TMOD2: variants seen among roughly 807,000 people sequenced by gnomAD.
The protein encoded by TMOD2 is tropomodulin-2.
In TMOD2, 22 loss-of-function variants were observed where a neutral mutation model predicts 39.9. The observed-to-expected ratio is 0.55, with a 90% CI of 0.39 to 0.79. The LOEUF is 0.79. Ranked by LOEUF, TMOD2 falls within the 30% of genes least tolerant of loss-of-function variation. The pLI is 0.00. For synonymous variants in TMOD2, 123 were observed against 146.1 expected (o/e 0.84, Z 1.14); for missense variants, 386 against 413.3 (o/e 0.93, Z 0.57).
chr15:51,779,743 C>A (rs117313034), intron 5 of TMOD2, among the ~76,000 whole-genome samples: 2,315 of 152,092 alleles, frequency 0.015, 84 homozygotes, highest in East Asian at 0.072. Flanking sequence ...TCCAGTGTCA[C>A]TACCAAGGCT....
intron 5 of TMOD2, among the ~76,000 whole-genome samples, chr15:51,780,378 T>C (rs927642670): frequency 2.0e-5 from 3 of 152,236 alleles, no homozygotes; most frequent in Admixed American, 2.0e-4. Context: ...CATTTCTTTA[T>C]TTTGGAGCTT....
chr15:51,800,303 G>C (rs1483258824), intron 8 of TMOD2, among the ~76,000 whole-genome samples: 1 of 152,200 alleles, frequency 6.6e-6, no homozygotes, highest in East Asian at 1.9e-4. Context: ...GGGAGGCCGA[G>C]GCGAGCAGAT....
intron 8 of TMOD2, among the ~76,000 whole-genome samples, chr15:51,798,654 C>T (rs907830716): frequency 6.6e-6 from 1 of 152,210 alleles, no homozygotes; most frequent in Non-Finnish European, 1.5e-5. Flanking sequence ...TATTCAGTCT[C>T]ATCATTGTTG....
chr15:51,797,040 A>G (rs2056056137), intron 7 of TMOD2, among the ~76,000 whole-genome samples: 1 of 152,176 alleles, frequency 6.6e-6, no homozygotes, highest in East Asian at 1.9e-4. Context: ...TCATCATACC[A>G]CTCAGAACAG....
chr15:51,803,260 A>T (rs1186108372), intron 8 of TMOD2, among the ~76,000 whole-genome samples: 1 of 146,588 alleles, frequency 6.8e-6, no homozygotes, highest in African/African-American at 2.6e-5. Flanking sequence ...GGCTCACTGC[A>T]ACCTCCGCCT....
chr15:51,783,437 A>G, intron 7 of TMOD2: 1 of 152,528 alleles, frequency 6.6e-6, no homozygotes, highest in Non-Finnish European at 1.5e-5. Context: ...AGCCGAGATC[A>G]TGCCACTGCA....
intron 8 of TMOD2, among the ~76,000 whole-genome samples, chr15:51,799,016 G>A (rs2056070909): frequency 6.6e-6 from 1 of 152,158 alleles, no homozygotes. Context: ...ACCTCTTCCT[G>A]CCTGGCGACC....
intron 7 of TMOD2, chr15:51,784,707 T>C (rs541379166): frequency 2.9e-4 from 44 of 152,366 alleles, no homozygotes; most frequent in Non-Finnish European, 6.0e-4. Context: ...ATGAGCAGTT[T>C]AAGGATTCTT....
chr15:51,775,735 G>A (rs984261017), intron 4 of TMOD2, among the ~76,000 whole-genome samples: 8 of 151,776 alleles, frequency 5.3e-5, no homozygotes, highest in Admixed American at 2.0e-4. Flanking sequence ...CCGCCACCAC[G>A]CCCAGCTAAT....
At chr15:51,780,220 A>G (rs1056022837) in intron 5 of TMOD2, among the ~76,000 whole-genome samples, 4 of 152,202 alleles carry the variant, frequency 2.6e-5, no homozygotes, top group African/African-American at 9.7e-5. Context: ...TTAAATTGCA[A>G]TAGATAATGC....
chr15:51,785,711 G>A (rs1008992189), intron 7 of TMOD2, among the ~76,000 whole-genome samples: 3 of 152,028 alleles, frequency 2.0e-5, no homozygotes, highest in African/African-American at 7.2e-5. Flanking sequence ...TGGTTAAGAG[G>A]TACAAAAATA....
rs561375800 is a variant in TMOD2 at position 51,806,500 on chromosome 15, A to G, written c.1000A>G (p.Ile334Val). 13 of 1,614,252 alleles carry G rather than the reference A, an allele frequency of 8.1e-6. No homozygotes were observed. The East Asian group carries it at 2.0e-4, about 25-fold the overall frequency. Residue 334 changes from isoleucine to valine, a missense_variant, in exon 9 of 10, where the codon ATC becomes GTC. Ile to Val is a conservative substitution (Grantham distance 29). Transcript: ENST00000249700. ...QGPRTRVAAA[I>V]TKNNDLVRKK... ...GCCACGAACAAGGGTGGCAGCTGCC[A>G]TCACAAAGAATAATGACCTGGGTAA...
intron 7 of TMOD2, chr15:51,783,532 A>G (rs2055946378): frequency 6.6e-6 from 1 of 152,118 alleles, no homozygotes; most frequent in Non-Finnish European, 1.5e-5. Flanking sequence ...ATGGATTAAT[A>G]TGTGTCTAAA....
intron 1 of TMOD2, among the ~76,000 whole-genome samples, chr15:51,758,685 C>T (rs959480839): frequency 6.6e-6 from 1 of 152,156 alleles, no homozygotes; most frequent in East Asian, 1.9e-4. Flanking sequence ...TGTAATAAAG[C>T]CAAGAACAGA....
chr15:51,765,897 T>C (rs181474891), intron 1 of TMOD2, among the ~76,000 whole-genome samples: 259 of 152,336 alleles, frequency 1.7e-3, no homozygotes, highest in African/African-American at 6.0e-3. Flanking sequence ...TCCCATTTTG[T>C]ATTCTTCACA....
At chr15:51,765,096 G>A (rs569871060) in intron 1 of TMOD2, among the ~76,000 whole-genome samples, 1 of 152,070 alleles carries the variant, frequency 6.6e-6, no homozygotes, top group Admixed American at 6.5e-5. Flanking sequence ...TGCCTCCCGG[G>A]TTCAAGCAAT....
intron 2 of TMOD2, chr15:51,766,790 T>TG: frequency 5.7e-6 from 2 of 349,880 alleles, no homozygotes; most frequent in Non-Finnish European, 5.2e-6. Flanking sequence ...CCAATGTAAA[T>TG]GGGGGGAAAT....
chr15:51,806,639 T>C, intron 9 of TMOD2, 118 bp downstream of exon 9: 1 of 1,157,556 alleles, frequency 8.6e-7, no homozygotes, highest in Non-Finnish European at 1.2e-6. Context: ...CACTCACTTC[T>C]TCATATAAGA....
At chr15:51,765,556 C>G (rs2055810710) in intron 1 of TMOD2, among the ~76,000 whole-genome samples, 1 of 152,104 alleles carries the variant, frequency 6.6e-6, no homozygotes, top group Non-Finnish European at 1.5e-5. Context: ...ATTACTGTTT[C>G]CTGAATGAGT....
Sources: allele counts gnomAD v4.1 joint callset (sites outside exome capture counted in the v4.1 genomes callset), GRCh38; gene constraint gnomAD v4.1.1; transcripts MANE v1.5; gene names NCBI Gene and HGNC (gene_info 2026-07-23, HGNC 2026-07-21).